Variants in GALNT13 observed in about 807,000 individuals in gnomAD.
GALNT13 encodes polypeptide N-acetylgalactosaminyltransferase 13, also known as UDP-GalNAc:polypeptide N-acetylgalactosaminyltransferase 13.
GALNT13 carries 28 observed loss-of-function variants against 64.2 expected under a neutral mutation model. That is an observed-to-expected ratio of 0.44 (90% CI 0.32 to 0.60). The LOEUF (loss-of-function observed/expected upper bound fraction) is 0.60, where lower values mean the gene tolerates loss of function less well. Ranked by LOEUF, GALNT13 falls within the 20% of genes least tolerant of loss-of-function variation. The pLI, the probability that GALNT13 is intolerant of heterozygous loss-of-function variation, is 0.05. For synonymous variants in GALNT13, 214 were observed against 224.6 expected, an observed-to-expected ratio of 0.95 and a Z score of 0.42; for missense variants, 577 against 669.8, an observed-to-expected ratio of 0.86 and a Z score of 1.53.
At chr2:153,380,830 A>G in the GALNT13 span, among the ~76,000 whole-genome samples, 6 of 152,184 alleles carry the variant, frequency 3.9e-5, no homozygotes, top group East Asian at 3.9e-4. Flanking sequence ...TTTAAGTTTT[A>G]AAATTTATGT....
intron 2 of GALNT13, among the ~76,000 whole-genome samples, chr2:153,913,766 C>A (rs371799875): frequency 1.3e-5 from 2 of 151,984 alleles, no homozygotes; most frequent in African/African-American, 4.8e-5. Flanking sequence ...GTGCCCAGTC[C>A]CCTCTCCCTT....
chr2:153,462,389 A>G, the GALNT13 span, among the ~76,000 whole-genome samples: 2 of 152,252 alleles, frequency 1.3e-5, no homozygotes, highest in East Asian at 1.9e-4. Flanking sequence ...ATATTGTCCA[A>G]TGGACCTCTT....
At chr2:153,937,445 A>G (rs565724985) in intron 2 of GALNT13, among the ~76,000 whole-genome samples, 8 of 152,336 alleles carry the variant, frequency 5.3e-5, no homozygotes, top group African/African-American at 1.4e-4. Flanking sequence ...TTCATAGCCA[A>G]TAAATCAGAT....
chr2:154,385,968 T>C (rs576455286), intron 9 of GALNT13, among the ~76,000 whole-genome samples: 2 of 152,092 alleles, frequency 1.3e-5, no homozygotes, highest in East Asian at 3.9e-4. Flanking sequence ...AAAAACAAAA[T>C]GCAAAACAAT....
chr2:154,365,340 A>G (rs1477008339), intron 9 of GALNT13, among the ~76,000 whole-genome samples: 1 of 152,170 alleles, frequency 6.6e-6, no homozygotes, highest in Non-Finnish European at 1.5e-5. Flanking sequence ...TTCAATTTAA[A>G]CCAGAGCAAT....
chr2:153,478,152 G>T, the GALNT13 span: 4 of 1,097,458 alleles, frequency 3.6e-6, no homozygotes, highest in African/African-American at 6.3e-5. Flanking sequence ...GGTTTGCTTC[G>T]CCCAGTCTCT....
chr2:153,575,499 G>A, the GALNT13 span, among the ~76,000 whole-genome samples: 1 of 152,212 alleles, frequency 6.6e-6, no homozygotes, highest in East Asian at 1.9e-4. Flanking sequence ...GAGGTCCTGT[G>A]TGGGAGTCAG....
At chr2:154,432,075 A>T (rs561472299) in intron 11 of GALNT13, among the ~76,000 whole-genome samples, 1 of 152,340 alleles carries the variant, frequency 6.6e-6, no homozygotes, top group African/African-American at 2.4e-5. Flanking sequence ...ATGTAGTATC[A>T]TCCATTATAG....
chr2:154,154,093 A>G lies in GALNT13; in HGVS notation c.311+13588A>G, dbSNP rs1684251927. Among the ~76,000 whole-genome samples the G allele has an allele frequency of 1.3e-5, 2 of 152,128 alleles. 1 individual carries two copies. The highest frequency in any genetic ancestry group is 4.1e-4 in the South Asian group (2 of 4,834). On this transcript the variant is annotated intron_variant, in intron 4 of 12. Coordinates refer to ENST00000392825, the MANE Select transcript of GALNT13 (RefSeq NM_052917.4). ...ATCTTGGCTGCTTCAGTGTGTTCTT[A>G]TATTTCTAATATTTTGTTTTGTTCC...
chr2:154,119,557 T>G (rs1681811288), intron 3 of GALNT13, among the ~76,000 whole-genome samples: 1 of 152,158 alleles, frequency 6.6e-6, no homozygotes, highest in South Asian at 2.1e-4. Context: ...ACTCTTATTA[T>G]GCAAAGACTT....
the GALNT13 span, among the ~76,000 whole-genome samples, chr2:153,699,057 T>C: frequency 6.6e-6 from 1 of 152,094 alleles, no homozygotes; most frequent in African/African-American, 2.4e-5. Context: ...ACCCCATCTC[T>C]ACTAAAAATT....
the GALNT13 span, among the ~76,000 whole-genome samples, chr2:153,837,186 T>A: frequency 6.6e-6 from 1 of 152,118 alleles, no homozygotes; most frequent in Non-Finnish European, 1.5e-5. Context: ...CCTGACTTTT[T>A]AATGATTGCC....
the GALNT13 span, among the ~76,000 whole-genome samples, chr2:153,164,839 A>C: frequency 6.6e-6 from 1 of 152,048 alleles, no homozygotes; most frequent in Non-Finnish European, 1.5e-5. Flanking sequence ...CCTTTCCTGT[A>C]TTTTAATTTT....
intron 3 of GALNT13, among the ~76,000 whole-genome samples, chr2:153,966,523 G>A (rs1693362708): frequency 6.6e-6 from 1 of 151,700 alleles, no homozygotes; most frequent in Admixed American, 6.6e-5. Flanking sequence ...CCGCCAAAAC[G>A]CCTGGCTAAT....
the GALNT13 span, among the ~76,000 whole-genome samples, chr2:153,856,105 G>A: frequency 5.9e-5 from 9 of 152,162 alleles, no homozygotes; most frequent in Admixed American, 5.9e-4. Context: ...GATGAATATG[G>A]AATTTATTTG....
the GALNT13 span, among the ~76,000 whole-genome samples, chr2:153,146,761 T>C: frequency 1.3e-5 from 2 of 151,926 alleles, no homozygotes; most frequent in South Asian, 2.1e-4. Flanking sequence ...TGAGCCTAGA[T>C]GGCCAGTCCA....
the GALNT13 span, among the ~76,000 whole-genome samples, chr2:153,828,425 A>G: frequency 6.6e-6 from 1 of 152,212 alleles, no homozygotes; most frequent in South Asian, 2.1e-4. Context: ...GCTTCCATGC[A>G]TCCACAGGCT....
At chr2:153,977,828 T>A (rs1220562581) in intron 3 of GALNT13, among the ~76,000 whole-genome samples, 1 of 152,202 alleles carries the variant, frequency 6.6e-6, no homozygotes, top group East Asian at 1.9e-4. Flanking sequence ...TTTCATTAAC[T>A]TTTTAATTTT....
chr2:153,280,132 T>C, the GALNT13 span, among the ~76,000 whole-genome samples: 1 of 152,172 alleles, frequency 6.6e-6, no homozygotes, highest in Non-Finnish European at 1.5e-5. Flanking sequence ...CCATTTCCTC[T>C]AGGTTTTCTA....
Sources: gnomAD v4.1 joint callset for allele counts (sites outside exome capture counted in the v4.1 genomes callset) on GRCh38, gnomAD v4.1.1 for gene constraint, MANE v1.5 for transcripts, NCBI Gene and HGNC (gene_info 2026-07-23, HGNC 2026-07-21) for gene names.